Variants in SLC71A2 observed in about 807,000 individuals in gnomAD.
SLC71A2 encodes solute carrier family 71 member 2, also known as hippocampus abundant transcript-like 1.
the SLC71A2 span, among the ~76,000 whole-genome samples, chr9:94,397,973 A>G: frequency 1.3e-5 from 2 of 152,174 alleles, no homozygotes; most frequent in Admixed American, 6.6e-5. Flanking sequence ...CACTATGTGC[A>G]GCCCACGCTT....
chr9:94,448,365 C>T, the SLC71A2 span, among the ~76,000 whole-genome samples: 2 of 131,980 alleles, frequency 1.5e-5, no homozygotes, highest in Non-Finnish European at 3.2e-5. Context: ...AAAAGAAAAC[C>T]AAAAACTTCC....
chr9:94,434,523 G>T, the SLC71A2 span, among the ~76,000 whole-genome samples: 2 of 152,044 alleles, frequency 1.3e-5, no homozygotes, highest in Non-Finnish European at 2.9e-5. Context: ...CACCATGTTC[G>T]CCAGGCTGGT....
At chr9:94,384,132 C>A in the SLC71A2 span, among the ~76,000 whole-genome samples, 1 of 152,078 alleles carries the variant, frequency 6.6e-6, no homozygotes. Flanking sequence ...AATTCTATAC[C>A]CATGAAACAA....
the SLC71A2 span, among the ~76,000 whole-genome samples, chr9:94,453,085 TTA>T: frequency 3.3e-5 from 5 of 152,078 alleles, no homozygotes; most frequent in Non-Finnish European, 7.4e-5. Flanking sequence ...CAAATGTAAA[TTA>T]TGTTAACCTT....
At chr9:94,402,813 CCT>C in the SLC71A2 span, among the ~76,000 whole-genome samples, 3 of 152,186 alleles carry the variant, frequency 2.0e-5, no homozygotes, top group African/African-American at 7.2e-5. Context: ...TCCTAATAAT[CCT>C]CTAGAAGCTA....
At chr9:94,401,639 G>C in the SLC71A2 span, among the ~76,000 whole-genome samples, 706 of 152,082 alleles carry the variant, frequency 4.6e-3, 6 homozygotes, top group African/African-American at 0.016. Flanking sequence ...TTGATTTTGC[G>C]TCAAGGACCA....
At chr9:94,450,488 TG>T in the SLC71A2 span, among the ~76,000 whole-genome samples, 11 of 118,750 alleles carry the variant, frequency 9.3e-5, no homozygotes, top group South Asian at 2.6e-4. Flanking sequence ...GGCAAAATAA[TG>T]TAACTTTTTT....
At chr9:94,449,110 G>T in the SLC71A2 span, among the ~76,000 whole-genome samples, 1 of 151,856 alleles carries the variant, frequency 6.6e-6, no homozygotes, top group Non-Finnish European at 1.5e-5. Context: ...AAGGAAGAAA[G>T]CTAAAAAAAA....
chr9:94,447,857 C>G, the SLC71A2 span, among the ~76,000 whole-genome samples: 1 of 152,174 alleles, frequency 6.6e-6, no homozygotes, highest in Non-Finnish European at 1.5e-5. Flanking sequence ...CAACCCCTGG[C>G]AACCACTGAT....
chr9:94,386,424 G>C, the SLC71A2 span, among the ~76,000 whole-genome samples: 4 of 151,060 alleles, frequency 2.6e-5, no homozygotes, highest in Non-Finnish European at 5.9e-5. Context: ...GTTTTTTAAG[G>C]TTAGATGGTG....
chr9:94,422,957 G>C, the SLC71A2 span, among the ~76,000 whole-genome samples: 3 of 143,454 alleles, frequency 2.1e-5, no homozygotes, highest in Non-Finnish European at 4.5e-5. Context: ...TTTTCTAGAT[G>C]GAGTCTTGCT....
the SLC71A2 span, among the ~76,000 whole-genome samples, chr9:94,409,570 A>G: frequency 6.6e-6 from 1 of 152,170 alleles, no homozygotes; most frequent in Non-Finnish European, 1.5e-5. Context: ...GGAAAGTTAA[A>G]TTATTGATTT....
chr9:94,454,092 T>C, the SLC71A2 span: 1 of 1,526,868 alleles, frequency 6.5e-7, no homozygotes, highest in Non-Finnish European at 9.1e-7. Context: ...TCTTAGATTC[T>C]CGTGAACTGC....
At chr9:94,385,648 T>C in the SLC71A2 span, among the ~76,000 whole-genome samples, 1 of 152,194 alleles carries the variant, frequency 6.6e-6, no homozygotes, top group East Asian at 1.9e-4. Context: ...GCACCCTTGC[T>C]CAAAATCAGT....
At chr9:94,399,104 A>G in the SLC71A2 span, among the ~76,000 whole-genome samples, 1 of 152,206 alleles carries the variant, frequency 6.6e-6, no homozygotes, top group Non-Finnish European at 1.5e-5. Flanking sequence ...GATGTGAGCC[A>G]TCGTGCCCGG....
At chr9:94,442,407 T>C in the SLC71A2 span, among the ~76,000 whole-genome samples, 3 of 152,116 alleles carry the variant, frequency 2.0e-5, no homozygotes, top group Non-Finnish European at 4.4e-5. Context: ...TCTCTCTCTC[T>C]CCTTGCTTCT....
At chr9:94,377,550 T>TA in the SLC71A2 span, among the ~76,000 whole-genome samples, 1 of 132,082 alleles carries the variant, frequency 7.6e-6, no homozygotes, top group African/African-American at 2.6e-5. Flanking sequence ...TTTTTTTTTT[T>TA]TTTAATTTAT....
At chr9:94,375,521 T>C in the SLC71A2 span, among the ~76,000 whole-genome samples, 2 of 152,198 alleles carry the variant, frequency 1.3e-5, no homozygotes, top group South Asian at 4.2e-4. Context: ...TTAACTGGCC[T>C]GGTTTCGGCA....
At chr9:94,444,513 G>T in the SLC71A2 span, among the ~76,000 whole-genome samples, 2 of 152,182 alleles carry the variant, frequency 1.3e-5, no homozygotes, top group Non-Finnish European at 2.9e-5. Context: ...GTTTTTAGAA[G>T]ATTAAATCAA....
Sources: gnomAD v4.1 joint callset for allele counts (sites outside exome capture counted in the v4.1 genomes callset) on GRCh38, gnomAD v4.1.1 for gene constraint, MANE v1.5 for transcripts, NCBI Gene and HGNC (gene_info 2026-07-23, HGNC 2026-07-21) for gene names.